Variants in FAN1 observed in about 807,000 individuals in gnomAD.
The protein encoded by FAN1 is fanconi-associated nuclease 1.
Under a neutral mutation model 104.9 loss-of-function variants are expected in FAN1, and 91 were observed. That is an observed-to-expected ratio of 0.87 (90% CI 0.73 to 1.03). The LOEUF (loss-of-function observed/expected upper bound fraction) is 1.03, where lower values mean the gene tolerates loss of function less well. Among genes scored for constraint, FAN1 ranks in the 50% least tolerant of loss-of-function variants. The pLI is 0.00. For synonymous variants in FAN1, 478 were observed against 457.6 expected (o/e 1.04, Z -0.57); for missense variants, 1,263 against 1,239.9 (o/e 1.02, Z -0.28).
At position 30,904,959 on chromosome 15, in the gene FAN1, C is replaced by T. The variant is rs1386018403; in HGVS notation, c.296C>T (p.Pro99Leu). Residue 99 changes from proline to leucine, a missense_variant, in exon 2 of 15, where the codon CCT becomes CTT. By Grantham distance (98) the Pro-to-Leu change is moderately conservative. Coordinates refer to ENST00000362065, the MANE Select transcript of FAN1 (RefSeq NM_014967.5). ...LTSVTLEDVT[P>L]KKSPPPKTNL... ...AGTGTTACCTTAGAAGATGTAACACCTAAGAAGTCACCACCACCAAAGACA... is the reference window on the plus strand; with the variant it reads ...AGTGTTACCTTAGAAGATGTAACACTTAAGAAGTCACCACCACCAAAGACA... 2.5e-6 allele frequency: 4 copies of T among 1,613,772 alleles called. No homozygotes were observed. Among genetic ancestry groups the T allele is most frequent in the East Asian group, 2.2e-5 (1 of 44,882 alleles).
In FAN1 at chr15:30,905,092, A is replaced by T. The variant is rs199537330; in HGVS notation, c.429A>T (p.Arg143Ser). Reference protein sequence around the residue: ...DVVCKNQDELRNRSVKVICLG... With the variant: ...DVVCKNQDELSNRSVKVICLG... ...TGTGCAAAAATCAAGATGAGCTGAG[A>T]AATCGTAGTGTGAAAGTCATTTGTT... The change falls in exon 2 of 15, where the codon AGA becomes AGT. Residue 143 changes from arginine (R) to serine (S), a missense_variant. Arg to Ser is a moderately radical substitution (Grantham distance 110, BLOSUM62 -1). This residue lies in a region of FAN1 where 682 missense variants were observed against 571.1 expected (regional missense o/e 1.19). Coordinates refer to ENST00000362065, the MANE Select transcript of FAN1 (RefSeq NM_014967.5). 5.9e-5 allele frequency: 96 copies of T among 1,613,994 alleles called. No individual in the cohort carries two copies. The highest frequency in any genetic ancestry group is 1.7e-5 in the Admixed American group (1 of 60,016).
chr15:30,904,976 C>T lies in FAN1; in HGVS notation c.313C>T (p.Pro105Ser). The T allele has an allele frequency of 6.2e-7, 1 of 1,613,938 alleles. No homozygotes were observed. The highest frequency in any genetic ancestry group is 2.2e-5 in the East Asian group (1 of 44,876). ...TGTAACACCTAAGAAGTCACCACCA[C>T]CAAAGACAAATTTAACCCCTGGCCA... Reference protein sequence around the residue: ...EDVTPKKSPPPKTNLTPGQSD... With the variant: ...EDVTPKKSPPSKTNLTPGQSD... Residue 105 changes from proline to serine, a missense_variant, in exon 2 of 15, where the codon CCA becomes TCA. By Grantham distance (74) the Pro-to-Ser change is moderately conservative. Coordinates refer to ENST00000362065, the MANE Select transcript of FAN1 (RefSeq NM_014967.5).
chr15:30,906,558 A>T (rs1161834659), intron 2 of FAN1: 8 of 455,840 alleles, frequency 1.8e-5, no homozygotes, highest in South Asian at 1.1e-4. Context: ...GAGGGCCATG[A>T]TGACTCTGTG....
At chr15:30,931,434 A>G (rs2062707558) in intron 13 of FAN1, among the ~76,000 whole-genome samples, 1 of 152,236 alleles carries the variant, frequency 6.6e-6, no homozygotes, top group African/African-American at 2.4e-5. Context: ...AAAGTTTGAC[A>G]AAATCCAACT....
At chr15:30,906,183 C>T (rs2061975001) in intron 2 of FAN1, among the ~76,000 whole-genome samples, 1 of 152,196 alleles carries the variant, frequency 6.6e-6, no homozygotes, top group Non-Finnish European at 1.5e-5. Context: ...AGTTATGAAA[C>T]AACCTTTTCC....
intron 13 of FAN1, among the ~76,000 whole-genome samples, chr15:30,933,645 G>T (rs1446488697): frequency 6.6e-6 from 1 of 152,124 alleles, no homozygotes; most frequent in African/African-American, 2.4e-5. Flanking sequence ...CAAGTTGGTT[G>T]ATAGTGTTGT....
Position 30,942,383 on chromosome 15 carries a change from T to TATCA in FAN1, c.*823_*826dup. On this transcript the variant is annotated 3_prime_UTR_variant, in exon 15 of 15. Transcript: ENST00000362065. ...AAAAAACACTAGACCTGGCCGATTC[T>TATCA]ATCAAGAACAATGGCAAACTGAACA... 5.2e-6 allele frequency: 2 copies of TATCA among 384,870 alleles called. No individual in the cohort carries two copies. The highest frequency in any genetic ancestry group is 4.7e-6 in the Non-Finnish European group (1 of 214,654). 23.8% of individuals were successfully genotyped at this position (384,870 alleles called of 1,614,324 possible). A position where few individuals can be genotyped will look rare whatever the true frequency, so the allele number is the denominator to read the frequency against.
At chr15:30,929,135 G>T in intron 11 of FAN1, 68 bp from the exon 12 acceptor site, 1 of 1,408,252 alleles carries the variant, frequency 7.1e-7, no homozygotes, top group South Asian at 1.2e-5. Flanking sequence ...TGTATGTACT[G>T]ACTAGTCCTC....
intron 8 of FAN1, among the ~76,000 whole-genome samples, chr15:30,923,678 C>T (rs954091788): frequency 3.3e-5 from 5 of 152,232 alleles, no homozygotes; most frequent in African/African-American, 4.8e-5. Flanking sequence ...GCCAGGCTGC[C>T]GCTGCCCGGC....
At chr15:30,922,150 T>A in intron 7 of FAN1, 85 bp from the exon 8 acceptor site, 23 of 1,505,014 alleles carry the variant, frequency 1.5e-5, no homozygotes, top group Non-Finnish European at 2.1e-5. Context: ...ATAAATAGGC[T>A]TTACCAATCC....
At chr15:30,923,670 C>T (rs1158819608) in intron 8 of FAN1, among the ~76,000 whole-genome samples, 1 of 152,230 alleles carries the variant, frequency 6.6e-6, no homozygotes, top group Non-Finnish European at 1.5e-5. Context: ...TCTCCGAGGC[C>T]AGGCTGCCGC....
At chr15:30,922,811 CTG>C (rs1277625408) in intron 8 of FAN1, among the ~76,000 whole-genome samples, 1 of 152,236 alleles carries the variant, frequency 6.6e-6, no homozygotes, top group East Asian at 1.9e-4. Flanking sequence ...ATGCGTGACT[CTG>C]TACTTCTGTG....
chr15:30,936,754 C>T lies in FAN1; in HGVS notation c.2917-365C>T, dbSNP rs142638149. Among the ~76,000 whole-genome samples, 152 of 152,316 alleles carry T rather than the reference C, an allele frequency of 1.0e-3. 1 individual carries two copies. The highest frequency in any genetic ancestry group is 3.5e-3 in the African/African-American group (146 of 41,560). On this transcript the variant is annotated intron_variant, in intron 13 of 14. Transcript: ENST00000362065. ...TGCTCAGAATGTGTGCATTAGCCTA[C>T]AGTTGGGCAGATCATGTAGTTCACT... is the stretch of plus-strand genomic sequence containing the variant.
chr15:30,917,048 TGTG>T (rs1490466586), intron 5 of FAN1, among the ~76,000 whole-genome samples: 1 of 152,022 alleles, frequency 6.6e-6, no homozygotes, highest in African/African-American at 2.4e-5. Context: ...CTGGCTAAGA[TGTG>T]GGGGTGGACA....
intron 3 of FAN1, 58 bp from the exon 4 acceptor site, chr15:30,910,556 G>T: frequency 8.3e-6 from 9 of 1,086,528 alleles, no homozygotes; most frequent in South Asian, 1.7e-5. Flanking sequence ...TCTAACTAAG[G>T]TAAATAAAGC....
chr15:30,921,474 A>G (rs760061603), intron 7 of FAN1, among the ~76,000 whole-genome samples: 37 of 152,220 alleles, frequency 2.4e-4, no homozygotes, highest in Non-Finnish European at 3.1e-4. Context: ...TGATATTTCT[A>G]TATTGAAAAT....
Position 30,910,664 on chromosome 15 carries a change from G to GA in FAN1, c.1428dup (p.Leu477ThrfsTer40). 2.5e-6 allele frequency: 4 copies of GA among 1,613,568 alleles called. No homozygotes were observed. The highest frequency in any genetic ancestry group is 3.4e-6 in the Non-Finnish European group (4 of 1,179,766). On this transcript the variant is annotated frameshift_variant, in exon 4 of 15. Transcript: ENST00000362065. LOFTEE classifies it high-confidence loss of function. ...AGTGCTTGAACTCCTTTCTGCTCCT[G>GA]AACTAAAATCCCTAGCCAAGACCTT...
chr15:30,940,551 G>A (rs1393152816), intron 14 of FAN1: 3 of 985,448 alleles, frequency 3.0e-6, no homozygotes, highest in Admixed American at 6.1e-5. Flanking sequence ...TGATGGCCAA[G>A]CCCAGCACGC....
chr15:30,932,011 A>G (rs887162538), intron 13 of FAN1, among the ~76,000 whole-genome samples: 4 of 151,510 alleles, frequency 2.6e-5, no homozygotes, highest in African/African-American at 9.7e-5. Flanking sequence ...TCACGAGGTC[A>G]GGAGATTGAG....
Sources: allele counts gnomAD v4.1 joint callset (sites outside exome capture counted in the v4.1 genomes callset), GRCh38; gene constraint gnomAD v4.1.1; regional missense constraint gnomAD v4.1.1; transcripts MANE v1.5; gene names NCBI Gene and HGNC (gene_info 2026-07-23, HGNC 2026-07-21).